Variants in BNC2 observed in about 807,000 individuals in gnomAD.
BNC2 encodes the protein basonuclin zinc finger protein 2.
BNC2 carries 20 observed loss-of-function variants against 76.3 expected under a neutral mutation model. That is an observed-to-expected ratio of 0.26 (90% CI 0.18 to 0.38). The LOEUF (loss-of-function observed/expected upper bound fraction) is 0.38. Among genes scored for constraint, BNC2 ranks in the 10% least tolerant of loss-of-function variants. The pLI is 1.00. For missense variants in BNC2, 1,382 were observed against 1,399.8 expected (o/e 0.99, Z 0.20); for synonymous variants, 582 against 514.8 (o/e 1.13, Z -1.77).
chr9:16,476,921 T>C lies in BNC2; in HGVS notation c.670-39397A>G, dbSNP rs971465429. 1.1e-4 allele frequency among the ~76,000 whole-genome samples: 17 copies of C among 152,164 alleles called. 1 individual carries two copies. The East Asian group carries it at 3.3e-3, about 29-fold the overall frequency. The stretch of plus-strand genomic sequence containing the variant: ...TTGTGGGTTTTACATGTGTCTGTGG[T>C]AGGGAAAGAACATTAGCAGGGAGGG... On this transcript the variant is annotated intron_variant, in intron 5 of 6. Transcript: ENST00000380672.
chr9:16,806,262 G>A (rs1319849986), intron 1 of BNC2, among the ~76,000 whole-genome samples: 1 of 152,134 alleles, frequency 6.6e-6, no homozygotes, highest in Non-Finnish European at 1.5e-5. Context: ...GATCACTTGA[G>A]CCCAAGGGTT....
chr9:16,753,958 G>C (rs2135308446), intron 1 of BNC2, among the ~76,000 whole-genome samples: 1 of 152,332 alleles, frequency 6.6e-6, no homozygotes, highest in South Asian at 2.1e-4. Context: ...CCAAAGTGCA[G>C]ACACTTGGTA....
At chr9:16,600,388 T>C (rs570671358) in intron 3 of BNC2, among the ~76,000 whole-genome samples, 1 of 152,210 alleles carries the variant, frequency 6.6e-6, no homozygotes, top group African/African-American at 2.4e-5. Context: ...GTGCTCAAGT[T>C]GTTTAACACT....
chr9:16,521,219 T>A (rs1245167613), intron 5 of BNC2, among the ~76,000 whole-genome samples: 1 of 152,140 alleles, frequency 6.6e-6, no homozygotes, highest in Non-Finnish European at 1.5e-5. Flanking sequence ...CCAGGAAAGG[T>A]CTGCCAGAGG....
At chr9:16,645,239 A>C (rs1374363067) in intron 3 of BNC2, among the ~76,000 whole-genome samples, 1 of 152,150 alleles carries the variant, frequency 6.6e-6, no homozygotes, top group African/African-American at 2.4e-5. Flanking sequence ...GTTTCTTCTA[A>C]CTCTATATTG....
Position 16,437,004 on chromosome 9 carries a change from GT to G in BNC2, c.1189del (p.Thr397ProfsTer18). The G allele has an allele frequency of 6.2e-7, 1 of 1,614,144 alleles. No individual in the cohort carries two copies. The highest frequency in any genetic ancestry group is 8.5e-7 in the Non-Finnish European group (1 of 1,180,018). On this transcript the variant is annotated frameshift_variant, in exon 6 of 7. Transcript: ENST00000380672. LOFTEE classifies it high-confidence loss of function. ...LTSITNVEPK[T>X]EPACVSPIQN... is the part of the protein sequence containing the mutation. Reference sequence around the variant, plus strand: ...AATGGGAGAGACACAGGCTGGCTCGGTTTTGGGCTCCACATTAGTAATGCTG... The same window carrying G: ...AATGGGAGAGACACAGGCTGGCTCGGTTTGGGCTCCACATTAGTAATGCTG...
chr9:16,504,530 C>A lies in BNC2; in HGVS notation c.669+48000G>T, dbSNP rs1003967601. 5.9e-5 allele frequency among the ~76,000 whole-genome samples: 9 copies of A among 152,046 alleles called. No individual in the cohort carries two copies. The East Asian group carries it at 1.7e-3, about 29-fold the overall frequency. ...ATGTAAACTCTTAAATAAAGTAGAC[C>A]CTGAAAGCTGCAAGAAAGATACAGA... is the stretch of plus-strand genomic sequence containing the variant. On this transcript the variant is annotated intron_variant, in intron 5 of 6. Transcript: ENST00000380672.
Position 16,756,990 on chromosome 9 carries a change from CAA to C in BNC2, c.4-18507_4-18506del, listed in dbSNP as rs66931262. Among the ~76,000 whole-genome samples the C allele has an allele frequency of 1.8e-3, 235 of 133,552 alleles. 1 individual carries two copies. Among genetic ancestry groups the C allele is most frequent in the African/African-American group, 6.2e-3 (208 of 33,476 alleles). The allele number at this position is 133,552 out of a possible 152,430, so 87.6% of individuals were successfully genotyped here. On this transcript the variant is annotated intron_variant, in intron 1 of 6. Coordinates refer to ENST00000380672, the MANE Select transcript of BNC2 (RefSeq NM_017637.6). ...TGGGCAACACAGCGAGACTCTGTCT[CAA>C]AAAAAAAAAAAAAAAAATAGACCCA...
intron 1 of BNC2, among the ~76,000 whole-genome samples, chr9:16,768,446 G>A (rs1011174165): frequency 6.6e-6 from 1 of 152,202 alleles, no homozygotes; most frequent in Non-Finnish European, 1.5e-5. Flanking sequence ...AATGGCAACA[G>A]AGACATTTAA....
intron 4 of BNC2, among the ~76,000 whole-genome samples, chr9:16,561,899 G>A (rs1034895159): frequency 1.3e-5 from 2 of 152,122 alleles, no homozygotes; most frequent in African/African-American, 2.4e-5. Flanking sequence ...AGCTACTCGG[G>A]AGGCTGAGGT....
chr9:16,855,091 A>C (rs989866719), intron 1 of BNC2, among the ~76,000 whole-genome samples: 1 of 152,016 alleles, frequency 6.6e-6, no homozygotes, highest in African/African-American at 2.4e-5. Context: ...GTACATGAGT[A>C]TTCCACCTCA....
At chr9:16,447,669 T>G (rs73415436) in intron 5 of BNC2, among the ~76,000 whole-genome samples, 1,812 of 152,174 alleles carry the variant, frequency 0.012, 39 homozygotes, top group African/African-American at 0.041. Flanking sequence ...CAATCATCAA[T>G]CAGTTCAAGT....
At chr9:16,751,816 G>C (rs774936761) in intron 1 of BNC2, among the ~76,000 whole-genome samples, 1 of 151,984 alleles carries the variant, frequency 6.6e-6, no homozygotes, top group Non-Finnish European at 1.5e-5. Flanking sequence ...TATCACTTGA[G>C]GTCAGGAGTT....
intron 1 of BNC2, among the ~76,000 whole-genome samples, chr9:16,785,009 C>T (rs1273878665): frequency 6.6e-6 from 1 of 152,164 alleles, no homozygotes; most frequent in Non-Finnish European, 1.5e-5. Context: ...CTGATTAATA[C>T]AGTATGAATA....
chr9:16,697,302 G>A (rs934303254), intron 3 of BNC2, among the ~76,000 whole-genome samples: 3 of 151,970 alleles, frequency 2.0e-5, no homozygotes, highest in Non-Finnish European at 4.4e-5. Flanking sequence ...CCGAGATTGC[G>A]CCACTGAACT....
Position 16,673,018 on chromosome 9 carries a change from G to A in BNC2, c.330+54779C>T, listed in dbSNP as rs115707727. ...GACGCTGACAATTTTCCTACGAGCT[G>A]GAATCCCTGTTTAGTTTTGGGGGGG... On this transcript the variant is annotated intron_variant, in intron 3 of 6. Transcript: ENST00000380672. Among the ~76,000 whole-genome samples the A allele has an allele frequency of 1.5e-3, 222 of 152,234 alleles. 2 individuals are homozygous for A. The highest frequency in any genetic ancestry group is 4.9e-3 in the African/African-American group (203 of 41,558).
Position 16,437,397 on chromosome 9 carries a change from T to G in BNC2, c.797A>C (p.Lys266Thr). 6.2e-7 allele frequency: 1 copy of G among 1,611,780 alleles called. No homozygotes were observed. Among genetic ancestry groups the G allele is most frequent in the Non-Finnish European group, 8.5e-7 (1 of 1,178,136 alleles). ...TGGTACAGCCACGGCCTGCCCTTCT[T>G]TCTCCTGAATTGCCATCAGCTCCAC... ...SIVELMAIQEKEGQAVAVPSS... is the reference protein window; with the variant it reads ...SIVELMAIQETEGQAVAVPSS... Residue 266 changes from lysine (K) to threonine (T), a missense_variant, in exon 6 of 7, where the codon AAA becomes ACA. This residue lies in a region of BNC2 where 557 missense variants were observed against 540.9 expected (regional missense o/e 1.03). Transcript: ENST00000380672.
chr9:16,784,221 G>A (rs1826222406), intron 1 of BNC2, among the ~76,000 whole-genome samples: 1 of 152,206 alleles, frequency 6.6e-6, no homozygotes, highest in Non-Finnish European at 1.5e-5. Flanking sequence ...ATGTAGCAGG[G>A]AAGACAGCTG....
At chr9:16,747,564 GT>G (rs1267795820) in intron 1 of BNC2, among the ~76,000 whole-genome samples, 1 of 152,194 alleles carries the variant, frequency 6.6e-6, no homozygotes, top group Admixed American at 6.5e-5. Context: ...AGCTAAGAGA[GT>G]TTAGTCACTT....
Sources: allele counts gnomAD v4.1 joint callset (sites outside exome capture counted in the v4.1 genomes callset), GRCh38; gene constraint gnomAD v4.1.1; regional missense constraint gnomAD v4.1.1; transcripts MANE v1.5; gene names NCBI Gene and HGNC (gene_info 2026-07-23, HGNC 2026-07-21).